The following CDS2 variants were observed in gnomAD, a reference collection of about 807,000 sequenced individuals.
CDS2 encodes phosphatidate cytidylyltransferase 2.
CDS2 carries 47 observed loss-of-function variants against 59.0 expected under a neutral mutation model. The observed-to-expected ratio is 0.80, with a 90% confidence interval of 0.63 to 1.02. The LOEUF (loss-of-function observed/expected upper bound fraction) is 1.02. Among genes scored for constraint, CDS2 ranks in the 50% least tolerant of loss-of-function variants. The probability of loss-of-function intolerance (pLI) is 0.00; values close to 1 mark genes in which losing one functional copy is unlikely to be tolerated. For synonymous variants in CDS2, 207 were observed against 206.4 expected (o/e 1.00, Z -0.02); for missense variants, 356 against 558.9 (o/e 0.64, Z 3.66).
At chr20:5,168,538 A>G in intron 1 of CDS2, 1 of 503,848 alleles carries the variant, frequency 2.0e-6, no homozygotes, top group Non-Finnish European at 4.0e-6. Context: ...GGGCACAGCC[A>G]CACTTTTTTG....
At chr20:5,170,970 G>C (rs1165227250) in intron 1 of CDS2, among the ~76,000 whole-genome samples, 1 of 152,242 alleles carries the variant, frequency 6.6e-6, no homozygotes, top group East Asian at 1.9e-4. Flanking sequence ...AGAAGAAATG[G>C]ATAAATTCCT....
At chr20:5,182,717 C>G (rs966175253) in intron 6 of CDS2, among the ~76,000 whole-genome samples, 4 of 152,248 alleles carry the variant, frequency 2.6e-5, no homozygotes, top group African/African-American at 9.6e-5. Flanking sequence ...GCTTCAGACA[C>G]TGCCCACAGA....
Position 5,175,034 on chromosome 20 carries a change from A to C in CDS2, c.195-149A>C, listed in dbSNP as rs2090984228. ...TACTAGTGGTCCTGCTCCTGCCAGCATGTGGCTGGTGCCTCCGTCACGGTG... is the reference window on the plus strand; with the variant it reads ...TACTAGTGGTCCTGCTCCTGCCAGCCTGTGGCTGGTGCCTCCGTCACGGTG... On this transcript the variant is annotated intron_variant, in intron 2 of 12. Coordinates refer to ENST00000460006, the MANE Select transcript of CDS2 (RefSeq NM_003818.4). 1.2e-5 allele frequency: 8 copies of C among 640,148 alleles called. No homozygotes were observed. In the South Asian group the frequency reaches 1.5e-4, roughly 12 times the overall value. The allele number at this position is 640,148 out of a possible 1,614,324, so 39.7% of individuals were successfully genotyped here.
intron 10 of CDS2, chr20:5,187,112 G>T: frequency 3.1e-6 from 1 of 322,794 alleles, no homozygotes; most frequent in Non-Finnish European, 6.0e-6. Flanking sequence ...AGGGTGGGGG[G>T]GTCTGTGAGG....
At chr20:5,145,245 C>CCCA (rs1163724909) in intron 1 of CDS2, among the ~76,000 whole-genome samples, 1 of 115,884 alleles carries the variant, frequency 8.6e-6, no homozygotes, top group Non-Finnish European at 1.8e-5. Context: ...GACCCCCCCC[C>CCCA]CCGCCCCCGC....
intron 1 of CDS2, among the ~76,000 whole-genome samples, chr20:5,131,239 G>T (rs1023901515): frequency 1.3e-5 from 2 of 152,130 alleles, no homozygotes; most frequent in Non-Finnish European, 2.9e-5. Flanking sequence ...ATAAAAGTCA[G>T]AAGGTATTTT....
At chr20:5,174,532 C>G (rs1394458497) in intron 2 of CDS2, among the ~76,000 whole-genome samples, 1 of 151,930 alleles carries the variant, frequency 6.6e-6, no homozygotes, top group African/African-American at 2.4e-5. Context: ...GTCAGGAGAT[C>G]GAGACCATGG....
At chr20:5,164,587 A>T (rs1023767022) in intron 1 of CDS2, among the ~76,000 whole-genome samples, 1 of 152,016 alleles carries the variant, frequency 6.6e-6, no homozygotes, top group African/African-American at 2.4e-5. Context: ...TGGCAGTATT[A>T]GACATACTCC....
At chr20:5,182,476 T>C (rs751233383) in intron 6 of CDS2, 31 bp downstream of exon 6, 1 of 1,588,318 alleles carries the variant, frequency 6.3e-7, no homozygotes, top group Non-Finnish European at 8.6e-7. Context: ...TGTGTCAGAA[T>C]TCTTGATTTA....
At chr20:5,165,515 G>A (rs2090906835) in intron 1 of CDS2, among the ~76,000 whole-genome samples, 1 of 151,906 alleles carries the variant, frequency 6.6e-6, no homozygotes, top group Admixed American at 6.6e-5. Context: ...TGGTCTCGAG[G>A]CGGAGACTAT....
chr20:5,160,770 A>G (rs1259019487), intron 1 of CDS2, among the ~76,000 whole-genome samples: 4 of 152,038 alleles, frequency 2.6e-5, no homozygotes, highest in African/African-American at 9.7e-5. Flanking sequence ...TACGAATTTG[A>G]CTACTCTAGG....
At position 5,176,728 on chromosome 20, in the gene CDS2, G is replaced by A; in HGVS notation, c.372G>A (p.Trp124Ter). The change falls in exon 4 of 13, where the codon TGG becomes TGA. Residue 124 changes from tryptophan (W) to a stop codon, truncating the protein, a stop_gained. Transcript: ENST00000460006. LOFTEE classifies it high-confidence loss of function. The part of the protein sequence containing the change: ...YNVYHSYDLP[W>*]FRTLSWYFLL... ...TCTACCACTCATATGATCTGCCCTG[G>A]TTCAGGACGCTCAGCTGGTAAGCTC... The A allele has an allele frequency of 1.2e-6, 2 of 1,613,578 alleles. No homozygotes were observed. Among genetic ancestry groups the A allele is most frequent in the Non-Finnish European group, 1.7e-6 (2 of 1,179,490 alleles).
chr20:5,171,615 C>T lies in CDS2; in HGVS notation c.58-1908C>T, dbSNP rs538912895. Among the ~76,000 whole-genome samples, 16 of 152,340 alleles carry T rather than the reference C, an allele frequency of 1.1e-4. No homozygotes were observed. The South Asian group carries it at 3.3e-3, about 32-fold the overall frequency. On this transcript the variant is annotated intron_variant, in intron 1 of 12. Coordinates refer to ENST00000460006, the MANE Select transcript of CDS2 (RefSeq NM_003818.4). ...TGGACAGCTGTTGTGAATGCTTTGT[C>T]TTCATTTAGTCTCCCTGGAGAGGGA...
intron 1 of CDS2, among the ~76,000 whole-genome samples, chr20:5,148,369 A>T (rs2090760770): frequency 6.6e-6 from 1 of 152,168 alleles, no homozygotes; most frequent in East Asian, 1.9e-4. Context: ...TGAATGGGTC[A>T]CTAATGCAGT....
intron 5 of CDS2, 125 bp downstream of exon 5, chr20:5,179,081 G>A (rs1050376335): frequency 6.0e-6 from 5 of 832,408 alleles, no homozygotes; most frequent in Admixed American, 4.1e-5. Flanking sequence ...ATGCAGGGGA[G>A]CAGAGCTGAT....
At chr20:5,182,574 A>G (rs895806528) in intron 6 of CDS2, 129 bp downstream of exon 6, 3 of 742,118 alleles carry the variant, frequency 4.0e-6, no homozygotes, top group Non-Finnish European at 6.5e-6. Flanking sequence ...GTATGCATCT[A>G]GAGCATGAAG....
At chr20:5,174,414 G>A (rs1041360189) in intron 2 of CDS2, among the ~76,000 whole-genome samples, 2 of 152,194 alleles carry the variant, frequency 1.3e-5, no homozygotes, top group African/African-American at 2.4e-5. Flanking sequence ...AGGATTGAAG[G>A]AGTTAATATA....
chr20:5,172,631 T>C (rs2090964299), intron 1 of CDS2, among the ~76,000 whole-genome samples: 1 of 152,182 alleles, frequency 6.6e-6, no homozygotes, highest in African/African-American at 2.4e-5. Flanking sequence ...CTCCTGTCCC[T>C]TCCCTTCCTC....
At chr20:5,142,174 C>T (rs1012711649) in intron 1 of CDS2, among the ~76,000 whole-genome samples, 2 of 151,986 alleles carry the variant, frequency 1.3e-5, no homozygotes, top group African/African-American at 2.4e-5. Context: ...AGGCCGAGTG[C>T]GGTGGCTCAC....
Sources: allele counts gnomAD v4.1 joint callset (sites outside exome capture counted in the v4.1 genomes callset), GRCh38; gene constraint gnomAD v4.1.1; transcripts MANE v1.5; gene names NCBI Gene and HGNC (gene_info 2026-07-23, HGNC 2026-07-21).